Variants in ARHGAP10 observed in about 807,000 individuals in gnomAD.
ARHGAP10 encodes the protein Rho GTPase activating protein 10, also known as rho GTPase-activating protein 10.
Under a neutral mutation model 108.6 loss-of-function variants are expected in ARHGAP10, and 87 were observed. That is an observed-to-expected ratio of 0.80 (90% confidence interval 0.67 to 0.96). ARHGAP10 has a LOEUF of 0.96. Ranked by LOEUF, ARHGAP10 falls within the 40% of genes least tolerant of loss-of-function variation. The pLI is 0.00. For missense variants in ARHGAP10, 939 were observed against 954.5 expected (o/e 0.98, Z 0.21); for synonymous variants, 347 against 341.1 (o/e 1.02, Z -0.19).
intron 19 of ARHGAP10, among the ~76,000 whole-genome samples, chr4:148,038,696 G>C (rs572297024): frequency 6.6e-6 from 1 of 152,326 alleles, no homozygotes; most frequent in South Asian, 2.1e-4. Flanking sequence ...CTATTTAAAA[G>C]ATAGAAAATG....
intron 1 of ARHGAP10, among the ~76,000 whole-genome samples, chr4:147,818,498 G>A (rs1168858163): frequency 2.0e-5 from 3 of 151,436 alleles, no homozygotes; most frequent in Admixed American, 6.6e-5. Flanking sequence ...TCCGGGAGGC[G>A]GAGTTTGCGG....
intron 3 of ARHGAP10, among the ~76,000 whole-genome samples, chr4:147,836,230 C>T (rs1445108541): frequency 2.6e-5 from 4 of 152,052 alleles, no homozygotes; most frequent in Admixed American, 2.6e-4. Flanking sequence ...GATACATTGA[C>T]CTTTTTTTTT....
intron 13 of ARHGAP10, among the ~76,000 whole-genome samples, chr4:147,921,522 C>G (rs1737230927): frequency 6.6e-6 from 1 of 152,086 alleles, no homozygotes; most frequent in African/African-American, 2.4e-5. Context: ...TATGAAGGCT[C>G]TGGGTCATGG....
intron 18 of ARHGAP10, among the ~76,000 whole-genome samples, chr4:147,999,165 C>G (rs533094226): frequency 6.6e-6 from 1 of 152,174 alleles, no homozygotes; most frequent in Non-Finnish European, 1.5e-5. Flanking sequence ...TGCAACTTAG[C>G]TCACACCTGA....
intron 10 of ARHGAP10, among the ~76,000 whole-genome samples, chr4:147,889,777 G>A: frequency 6.6e-6 from 1 of 152,126 alleles, no homozygotes; most frequent in East Asian, 1.9e-4. Context: ...CACAGTGGAG[G>A]CTGGGCTTGC....
At chr4:147,988,532 A>G (rs1740128510) in intron 18 of ARHGAP10, among the ~76,000 whole-genome samples, 1 of 152,172 alleles carries the variant, frequency 6.6e-6, no homozygotes, top group African/African-American at 2.4e-5. Context: ...CCCACTTTAA[A>G]AATGTGATGA....
At chr4:148,006,457 A>G (rs1429057965) in intron 18 of ARHGAP10, among the ~76,000 whole-genome samples, 2 of 152,160 alleles carry the variant, frequency 1.3e-5, no homozygotes, top group Non-Finnish European at 2.9e-5. Context: ...GCGTCTGATC[A>G]TTGTTGCTGT....
intron 18 of ARHGAP10, among the ~76,000 whole-genome samples, chr4:148,002,050 T>C (rs1287108627): frequency 6.6e-6 from 1 of 152,220 alleles, no homozygotes; most frequent in African/African-American, 2.4e-5. Flanking sequence ...GGCTGTGGGT[T>C]TATCAGAAAT....
At chr4:147,900,485 A>G (rs1475859358) in intron 10 of ARHGAP10, among the ~76,000 whole-genome samples, 1 of 152,086 alleles carries the variant, frequency 6.6e-6, no homozygotes, top group Non-Finnish European at 1.5e-5. Flanking sequence ...TGAAATTTAT[A>G]CTTTTGCCTG....
intron 10 of ARHGAP10, among the ~76,000 whole-genome samples, chr4:147,888,243 C>T (rs781056908): frequency 3.3e-5 from 5 of 152,200 alleles, no homozygotes; most frequent in African/African-American, 4.8e-5. Flanking sequence ...ACTTTATGTG[C>T]CATCCGTATG....
At chr4:147,878,103 A>ATT (rs758842456) in intron 8 of ARHGAP10, among the ~76,000 whole-genome samples, 3 of 132,716 alleles carry the variant, frequency 2.3e-5, no homozygotes, top group African/African-American at 8.5e-5. Context: ...CGCCCAGCTA[A>ATT]TTTTTTTTTT....
At chr4:147,808,772 T>C (rs891593155) in intron 1 of ARHGAP10, among the ~76,000 whole-genome samples, 3 of 152,332 alleles carry the variant, frequency 2.0e-5, no homozygotes, top group Non-Finnish European at 4.4e-5. Context: ...GGGCCCCCTC[T>C]GGTTCTGCAC....
chr4:147,872,210 T>C (rs1007855656), intron 7 of ARHGAP10, among the ~76,000 whole-genome samples: 1 of 148,808 alleles, frequency 6.7e-6, no homozygotes, highest in African/African-American at 2.5e-5. Flanking sequence ...GCGGCAGGGA[T>C]GGTGGAGTGG....
At chr4:147,823,184 C>T (rs1732576581) in intron 3 of ARHGAP10, among the ~76,000 whole-genome samples, 1 of 152,310 alleles carries the variant, frequency 6.6e-6, no homozygotes, top group South Asian at 2.1e-4. Context: ...GGCCTTACTT[C>T]TTCATCTGTA....
At chr4:147,854,882 C>T (rs1302272863) in intron 4 of ARHGAP10, 1 of 984,978 alleles carries the variant, frequency 1.0e-6, no homozygotes. Flanking sequence ...TGGCTAAATT[C>T]TTTCTTCATA....
At chr4:147,904,847 A>G (rs1736404450) in intron 10 of ARHGAP10, among the ~76,000 whole-genome samples, 1 of 152,190 alleles carries the variant, frequency 6.6e-6, no homozygotes, top group Non-Finnish European at 1.5e-5. Context: ...CAGTCCCACC[A>G]ACAGTGTAAA....
chr4:147,966,923 C>T (rs1739226485), intron 18 of ARHGAP10, 84 bp downstream of exon 18: 1 of 1,193,632 alleles, frequency 8.4e-7, no homozygotes, highest in East Asian at 2.7e-5. Context: ...TTTCCCTTTT[C>T]TCTCTCTCTG....
At chr4:147,735,236 C>G (rs1303393504) in intron 1 of ARHGAP10, among the ~76,000 whole-genome samples, 1 of 152,194 alleles carries the variant, frequency 6.6e-6, no homozygotes, top group Non-Finnish European at 1.5e-5. Context: ...GTTGAAATTA[C>G]TTCAATCTAA....
chr4:147,828,041 GATCTGCCCGC>G (rs1241877691), intron 3 of ARHGAP10, among the ~76,000 whole-genome samples: 1 of 152,130 alleles, frequency 6.6e-6, no homozygotes, highest in Non-Finnish European at 1.5e-5. Context: ...TTGACCTTGT[GATCTGCCCGC>G]CTCATTCACC....
Sources: gnomAD v4.1 joint callset for allele counts (sites outside exome capture counted in the v4.1 genomes callset) on GRCh38, gnomAD v4.1.1 for gene constraint, MANE v1.5 for transcripts, NCBI Gene and HGNC (gene_info 2026-07-23, HGNC 2026-07-21) for gene names.